Variants in SARDH observed in about 807,000 individuals in gnomAD.
The protein encoded by SARDH is sarcosine dehydrogenase, mitochondrial.
Under a neutral mutation model 109.1 loss-of-function variants are expected in SARDH, and 95 were observed. The ratio of observed to expected loss-of-function variants is 0.87; its 90% CI spans 0.74 to 1.03. The LOEUF is 1.03. Among genes scored for constraint, SARDH ranks in the 50% least tolerant of loss-of-function variants. The probability of loss-of-function intolerance (pLI) is 0.00; values close to 1 mark genes in which losing one functional copy is unlikely to be tolerated. For missense variants in SARDH, 1,267 were observed against 1,287.8 expected (o/e 0.98, Z 0.25); for synonymous variants, 572 against 534.8 (o/e 1.07, Z -0.96).
At chr9:133,667,194 G>GT (rs59643474) in intron 19 of SARDH, 7,774 of 319,508 alleles carry the variant, frequency 0.024, 58 homozygotes, top group African/African-American at 0.029. Flanking sequence ...TTCAACTCTG[G>GT]TTTTTTTTTT....
downstream of SARDH, among the ~76,000 whole-genome samples, chr9:133,659,848 G>A (rs1480546833): frequency 6.6e-6 from 1 of 152,102 alleles, no homozygotes; most frequent in Admixed American, 6.5e-5. Context: ...CACGGAGCAG[G>A]CCCAAGAAGC....
downstream of SARDH, among the ~76,000 whole-genome samples, chr9:133,660,525 G>A (rs1276124421): frequency 6.6e-6 from 1 of 152,242 alleles, no homozygotes; most frequent in Non-Finnish European, 1.5e-5. Flanking sequence ...CCAAGCCAAA[G>A]GGACTCTGGG....
At position 133,719,742 on chromosome 9, in the gene SARDH, C is replaced by T. The variant is rs544474115; in HGVS notation, c.916-700G>A. On this transcript the variant is annotated intron_variant, in intron 6 of 20. Coordinates refer to ENST00000439388, the MANE Select transcript of SARDH (RefSeq NM_001134707.2). ...GTCTCTCTAAAAGCGAAAGGCTTGC[C>T]GCCCACCCTTCCTGAGAGGCTCTCC... 1.1e-4 allele frequency among the ~76,000 whole-genome samples: 16 copies of T among 151,102 alleles called. 1 individual carries two copies. Among genetic ancestry groups the T allele is most frequent in the South Asian group, 8.4e-4 (4 of 4,788 alleles).
chr9:133,725,679 A>AAAAAC (rs1229863747), intron 6 of SARDH: 2 of 229,570 alleles, frequency 8.7e-6, no homozygotes, highest in South Asian at 4.0e-5. Context: ...CTGTCTCAAA[A>AAAAAC]AAAACAAAAC....
intron 20 of SARDH, among the ~76,000 whole-genome samples, chr9:133,664,228 G>A (rs1322273307): frequency 6.6e-6 from 1 of 152,204 alleles, no homozygotes; most frequent in East Asian, 1.9e-4. Flanking sequence ...GGCATCTGGG[G>A]TCCGGCAAAG....
rs963017464 is a variant in SARDH, at chr9:133,666,509, CCCT to C, written c.2631+223_2631+225del. On this transcript the variant is annotated intron_variant, in intron 20 of 20. Coordinates refer to ENST00000439388, the MANE Select transcript of SARDH (RefSeq NM_001134707.2). The surrounding 1 kb of genome is among the most constrained non-coding windows in gnomAD (Gnocchi z 5.2). ...CTCCTTCTCCCTCCCTCCTCCCTCT[CCCT>C]CCTCCTCCTCCTTCCTCTCTCCCCT... Among the ~76,000 whole-genome samples, 4 of 149,042 alleles carry C rather than the reference CCCT, an allele frequency of 2.7e-5. No homozygotes were observed. Among genetic ancestry groups the C allele is most frequent in the Admixed American group, 6.7e-5 (1 of 14,996 alleles).
At chr9:133,681,831 C>A (rs1202502604) in intron 17 of SARDH, among the ~76,000 whole-genome samples, 1 of 152,166 alleles carries the variant, frequency 6.6e-6, no homozygotes, top group African/African-American at 2.4e-5. Context: ...GCGTGTAGCA[C>A]CTCCCCGCCG....
At chr9:133,660,477 G>A (rs546366646), downstream of SARDH, among the ~76,000 whole-genome samples, 1 of 152,320 alleles carries the variant, frequency 6.6e-6, no homozygotes, top group South Asian at 2.1e-4. Context: ...TAGAGGCTTA[G>A]GGGAAGTGCT....
rs1179825182 is a variant in SARDH, at chr9:133,730,108, G to A, written c.770C>T (p.Thr257Ile). 6.2e-7 allele frequency: 1 copy of A among 1,614,202 alleles called. No individual in the cohort carries two copies. The highest frequency in any genetic ancestry group is 8.5e-7 in the Non-Finnish European group (1 of 1,180,026). ...GGGTGTCTGGATGGAACCATGCTGA[G>A]TCTCCACACCCGCGACCCGCCGCAC... The part of the protein sequence containing the change: ...FGVRRVAGVE[T>I]QHGSIQTPCV... Residue 257 changes from threonine (T) to isoleucine (I), a missense_variant, in exon 5 of 21, where the codon ACT becomes ATT. Coordinates refer to ENST00000439388, the MANE Select transcript of SARDH (RefSeq NM_001134707.2).
At position 133,717,360 on chromosome 9, in the gene SARDH, C is replaced by T. The variant is rs35218200; in HGVS notation, c.1116G>A (p.Glu372=). 6.2e-7 allele frequency: 1 copy of T among 1,614,142 alleles called. No individual in the cohort carries two copies. ...EGAINRVPVL[E]KTGIKSTVCG... is the part of the protein sequence containing the mutation. Reference sequence around the variant, plus strand: ...AGACCGTGGACTTGATTCCTGTCTTCTCCAGCACGGGGACCCTGTTGATGG... The same window carrying T: ...AGACCGTGGACTTGATTCCTGTCTTTTCCAGCACGGGGACCCTGTTGATGG... Residue 372 remains glutamate, a synonymous_variant, in exon 8 of 21, where the codon GAG becomes GAA. Transcript: ENST00000439388.
In SARDH at chr9:133,664,691, C is replaced by T. The variant is rs129923; in HGVS notation, c.2632-677G>A. Among the ~76,000 whole-genome samples the T allele has an allele frequency of 7.3e-3, 1,109 of 152,294 alleles. 17 individuals are homozygous for T. Among genetic ancestry groups the T allele is most frequent in the African/African-American group, 0.025 (1,018 of 41,550 alleles). ...GGCCACAGGAGGGAGTCTCGGGCTC[C>T]GCTCTGGGAGTCAGAGGGCTCCTTC... On this transcript the variant is annotated intron_variant, in intron 20 of 20. Transcript: ENST00000439388.
chr9:133,739,419 G>A (rs146441067), upstream of SARDH, among the ~76,000 whole-genome samples: 1 of 152,348 alleles, frequency 6.6e-6, no homozygotes, highest in Non-Finnish European at 1.5e-5. Context: ...ACAAAGCACT[G>A]CTGGGAAACC....
chr9:133,696,454 A>G, intron 13 of SARDH, 93 bp from the exon 14 acceptor site: 1 of 1,503,586 alleles, frequency 6.7e-7, no homozygotes, highest in Non-Finnish European at 9.1e-7. Context: ...TGTCCAACAC[A>G]CCTGTACTGA....
Position 133,709,449 on chromosome 9 carries a change from T to C in SARDH, c.1329-1021A>G, listed in dbSNP as rs182237103. 1.1e-4 allele frequency among the ~76,000 whole-genome samples: 16 copies of C among 152,150 alleles called. 1 individual carries two copies. The highest frequency in any genetic ancestry group is 3.6e-4 in the African/African-American group (15 of 41,492). On this transcript the variant is annotated intron_variant, in intron 10 of 20. Transcript: ENST00000439388. The surrounding 1 kb of genome is among the most constrained non-coding windows in gnomAD (Gnocchi z 4.2). ...ACAAACCTCCCTGTCAGCCCCCGGC[T>C]TTCCCAGCACCCCGCCTCCCCCTCA... is the stretch of plus-strand genomic sequence containing the variant.
intron 13 of SARDH, among the ~76,000 whole-genome samples, chr9:133,700,735 GCGCACACA>G (rs1201715058): frequency 1.7e-5 from 1 of 57,972 alleles, no homozygotes; most frequent in African/African-American, 6.8e-5. Context: ...ACACACGCAC[GCGCACACA>G]CACACACACA....
At chr9:133,707,717 G>A (rs1186753950) in intron 11 of SARDH, among the ~76,000 whole-genome samples, 1 of 152,176 alleles carries the variant, frequency 6.6e-6, no homozygotes, top group Non-Finnish European at 1.5e-5. Context: ...CAGGGAGAGG[G>A]GGAAGGAATG....
chr9:133,708,139 G>A, intron 11 of SARDH, 148 bp downstream of exon 11: 1 of 875,182 alleles, frequency 1.1e-6, no homozygotes, highest in Non-Finnish European at 1.7e-6. Context: ...ACATGGGGGT[G>A]CCGGGTTACT....
intron 17 of SARDH, among the ~76,000 whole-genome samples, chr9:133,680,320 ACCC>A (rs869291292): frequency 1.8e-5 from 2 of 111,428 alleles, no homozygotes; most frequent in African/African-American, 5.6e-5. Context: ...TTGGTCCCAA[ACCC>A]CCCAGTGTCT....
chr9:133,668,379 C>CT (rs1279975739), intron 19 of SARDH, among the ~76,000 whole-genome samples: 126 of 103,044 alleles, frequency 1.2e-3, no homozygotes, highest in South Asian at 7.1e-3. Context: ...CTCATTCTCC[C>CT]TCAGCCTCCC....
Sources: allele counts gnomAD v4.1 joint callset (sites outside exome capture counted in the v4.1 genomes callset), GRCh38; gene constraint gnomAD v4.1.1; non-coding constraint Gnocchi (gnomAD v3.1); transcripts MANE v1.5; gene names NCBI Gene and HGNC (gene_info 2026-07-23, HGNC 2026-07-21).